DYNC2H1: variants seen among roughly 807,000 people sequenced by gnomAD.
DYNC2H1 encodes dynein cytoplasmic 2 heavy chain 1, also known as cytoplasmic dynein 2 heavy chain 1.
A neutral mutation model predicts 570.0 loss-of-function variants in DYNC2H1; 410 were observed. The observed-to-expected ratio is 0.72, with a 90% CI of 0.66 to 0.78. DYNC2H1 has a LOEUF of 0.78. Among genes scored for constraint, DYNC2H1 ranks in the 30% least tolerant of loss-of-function variants. The pLI, the probability that DYNC2H1 is intolerant of heterozygous loss-of-function variation, is 0.00. For missense variants in DYNC2H1, 4,865 were observed against 5,046.4 expected, an observed-to-expected ratio of 0.96 and a Z score of 1.09; for synonymous variants, 1,688 against 1,677.6, an observed-to-expected ratio of 1.01 and a Z score of -0.15.
At chr11:103,383,943 C>T (rs187891108) in intron 83 of DYNC2H1, among the ~76,000 whole-genome samples, 7,892 of 152,066 alleles carry the variant, frequency 0.052, 380 homozygotes, top group East Asian at 0.19. Context: ...TCATTCTTTA[C>T]TGTCTTGATT....
rs191708561 is a variant in DYNC2H1, at chr11:103,461,264, G to C, written c.12648+4908G>C. 6.7e-4 allele frequency among the ~76,000 whole-genome samples: 102 copies of C among 152,106 alleles called. 2 individuals carry two copies. Among genetic ancestry groups the C allele is most frequent in the African/African-American group, 2.4e-3 (98 of 41,496 alleles). On this transcript the variant is annotated intron_variant, in intron 87 of 88. Coordinates refer to ENST00000375735, the MANE Select transcript of DYNC2H1 (RefSeq NM_001377.3). This position sits in a 1 kb window ranked among gnomAD's most constrained non-coding sequence, Gnocchi z 4.8. ...GTTTCAATAGGAGAAATTTGGATTT[G>C]AATTATACTTGAATTTTACTATCAC...
In DYNC2H1 at chr11:103,170,612, A is replaced by G. The variant is rs940939843; in HGVS notation, c.5152-274A>G. 1.3e-5 allele frequency among the ~76,000 whole-genome samples: 2 copies of G among 152,206 alleles called. No individual in the cohort carries two copies. The highest frequency in any genetic ancestry group is 2.4e-5 in the African/African-American group (1 of 41,468). On this transcript the variant is annotated intron_variant, in intron 33 of 88. Coordinates refer to ENST00000375735, the MANE Select transcript of DYNC2H1 (RefSeq NM_001377.3). The surrounding 1 kb of genome is among the most constrained non-coding windows in gnomAD (Gnocchi z 4.8). ...GATGACAGTTTTAAAAACATTTTGT[A>G]TGTAATTTGTATTTTGACTTAAAGA...
intron 82 of DYNC2H1, among the ~76,000 whole-genome samples, chr11:103,327,835 A>C (rs1437916180): frequency 3.3e-5 from 5 of 152,236 alleles, no homozygotes; most frequent in African/African-American, 1.2e-4. Flanking sequence ...CCAATCTTCT[A>C]TTTCATGTTA....
Position 103,326,996 on chromosome 11 carries a change from T to C in DYNC2H1, c.12039+3006T>C, listed in dbSNP as rs1938529393. Among the ~76,000 whole-genome samples, 1 of 152,210 alleles carries C rather than the reference T, an allele frequency of 6.6e-6. No homozygotes were observed. The highest frequency in any genetic ancestry group is 1.5e-5 in the Non-Finnish European group (1 of 68,024). On this transcript the variant is annotated intron_variant, in intron 82 of 88. Coordinates refer to ENST00000375735, the MANE Select transcript of DYNC2H1 (RefSeq NM_001377.3). The surrounding 1 kb of genome is among the most constrained non-coding windows in gnomAD (Gnocchi z 6.1). ...CATCCATGGTGGATGCGGGGTCCGCTGAGCTAGGATTCCATAGGTCCAAGG... is the reference window on the plus strand; with the variant it reads ...CATCCATGGTGGATGCGGGGTCCGCCGAGCTAGGATTCCATAGGTCCAAGG...
chr11:103,211,915 A>G lies in DYNC2H1; in HGVS notation c.8666A>G (p.Glu2889Gly). 6.5e-7 allele frequency: 1 copy of G among 1,534,166 alleles called. No homozygotes were observed. The highest frequency in any genetic ancestry group is 8.8e-7 in the Non-Finnish European group (1 of 1,138,654). The change falls in exon 54 of 89, where the codon GAA becomes GGA. Residue 2889 changes from glutamate to glycine, a missense_variant. This residue lies in a region of DYNC2H1 where 2,401 missense variants were observed against 2,454.6 expected (regional missense o/e 0.98). Coordinates refer to ENST00000375735, the MANE Select transcript of DYNC2H1 (RefSeq NM_001377.3). ...GCCATTAGTAGTAGCAAGAAAAAGGAATTATTAAAAAGACAAAGTCATTTG... is the reference window on the plus strand; with the variant it reads ...GCCATTAGTAGTAGCAAGAAAAAGGGATTATTAAAAAGACAAAGTCATTTG... ...YSAISSSKKK[E>G]LLKRQSHLQA...
At position 103,395,552 on chromosome 11, in the gene DYNC2H1, C is replaced by T. The variant is rs534404035; in HGVS notation, c.12157-4111C>T. On this transcript the variant is annotated intron_variant, in intron 83 of 88. Coordinates refer to ENST00000375735, the MANE Select transcript of DYNC2H1 (RefSeq NM_001377.3). The surrounding 1 kb of genome is among the most constrained non-coding windows in gnomAD (Gnocchi z 4.3). Reference sequence around the variant, plus strand: ...TGGCACCATTTTTCATACAGCATCTCTTTATTATCACAGAATTATTGCAGC... The same window carrying T: ...TGGCACCATTTTTCATACAGCATCTTTTTATTATCACAGAATTATTGCAGC... 6.6e-6 allele frequency among the ~76,000 whole-genome samples: 1 copy of T among 152,014 alleles called. No homozygotes were observed. The highest frequency in any genetic ancestry group is 6.6e-5 in the Admixed American group (1 of 15,244).
chr11:103,152,287 T>C lies in DYNC2H1; in HGVS notation c.3096+2T>C. ...CACCAACTTATGATTAAAGACCAGG[T>C]TAGAATCTTTTAATTATTTATTAAA... is the stretch of plus-strand genomic sequence containing the variant. On this transcript the variant is annotated splice_donor_variant, in intron 21 of 88. Transcript: ENST00000375735. LOFTEE classifies it high-confidence loss of function. 1 of 1,575,618 alleles carries C rather than the reference T, an allele frequency of 6.3e-7. No individual in the cohort carries two copies. The highest frequency in any genetic ancestry group is 8.6e-7 in the Non-Finnish European group (1 of 1,168,460).
Position 103,176,406 on chromosome 11 carries a change from AG to A in DYNC2H1, c.5848del (p.Ala1950ProfsTer14). 6.4e-7 allele frequency: 1 copy of A among 1,563,312 alleles called. No homozygotes were observed. Among genetic ancestry groups the A allele is most frequent in the Non-Finnish European group, 8.6e-7 (1 of 1,159,302 alleles). On this transcript the variant is annotated frameshift_variant, in exon 37 of 89. Coordinates refer to ENST00000375735, the MANE Select transcript of DYNC2H1 (RefSeq NM_001377.3). LOFTEE classifies it high-confidence loss of function. ...GCTGCATTAAAGCAGGTCTTTGAAG[AG>A]GCCAATTATGAAATTATACCCAATC... ...LSAALKQVFE[E>X]ANYEIIPNQI... is the part of the protein sequence containing the mutation.
At chr11:103,415,472 A>G (rs1943248240) in intron 84 of DYNC2H1, among the ~76,000 whole-genome samples, 1 of 152,212 alleles carries the variant, frequency 6.6e-6, no homozygotes, top group Non-Finnish European at 1.5e-5. Context: ...TAAAAACCCC[A>G]TCAAAAAGTG....
intron 82 of DYNC2H1, among the ~76,000 whole-genome samples, chr11:103,336,502 C>A (rs1478707303): frequency 6.6e-6 from 1 of 151,966 alleles, no homozygotes; most frequent in African/African-American, 2.4e-5. Flanking sequence ...TTCTACTCTC[C>A]TACCTCCATG....
At chr11:103,171,179 C>A in intron 34 of DYNC2H1, 111 bp downstream of exon 34, 1 of 993,234 alleles carries the variant, frequency 1.0e-6, no homozygotes. Flanking sequence ...TGTTTCTAAT[C>A]TGTAACCTGT....
chr11:103,394,139 A>G (rs1217518790), intron 83 of DYNC2H1, among the ~76,000 whole-genome samples: 2 of 152,128 alleles, frequency 1.3e-5, no homozygotes, highest in South Asian at 4.1e-4. Flanking sequence ...TCTGATTTAA[A>G]CAATTTATTG....
chr11:103,229,482 C>T (rs1478335451), intron 59 of DYNC2H1, among the ~76,000 whole-genome samples: 2 of 152,056 alleles, frequency 1.3e-5, no homozygotes, highest in Admixed American at 1.3e-4. Context: ...TTCTTGTATA[C>T]TTTTTGCTTC....
chr11:103,333,426 GCTAA>G (rs1327952075), intron 82 of DYNC2H1, among the ~76,000 whole-genome samples: 1 of 152,094 alleles, frequency 6.6e-6, no homozygotes, highest in African/African-American at 2.4e-5. Context: ...ACTTCGCCAG[GCTAA>G]CTTTTTGTAT....
At chr11:103,445,164 G>A (rs1944383911) in intron 85 of DYNC2H1, among the ~76,000 whole-genome samples, 1 of 152,128 alleles carries the variant, frequency 6.6e-6, no homozygotes, top group Non-Finnish European at 1.5e-5. Flanking sequence ...ATATCTTGAT[G>A]GAATGTAATG....
rs1861880500 is a variant in DYNC2H1, at chr11:103,177,636, A to G, written c.5955A>G (p.Lys1985=). The G allele has an allele frequency of 1.2e-6, 2 of 1,613,452 alleles. No individual in the cohort carries two copies. Among genetic ancestry groups the G allele is most frequent in the East Asian group, 2.2e-5 (1 of 44,820 alleles). ...TTGTTGGTCCAAGTGGTGCTGGAAA[A>G]TCAACGCTTTGGAGAATGTTAAGGG... ...VVIVGPSGAG[K]STLWRMLRAA... is the part of the protein sequence containing the mutation. Residue 1985 remains lysine, a synonymous_variant, in exon 38 of 89, where the codon AAA becomes AAG. Coordinates refer to ENST00000375735, the MANE Select transcript of DYNC2H1 (RefSeq NM_001377.3). This position sits in a 1 kb window ranked among gnomAD's most constrained non-coding sequence, Gnocchi z 4.4.
intron 84 of DYNC2H1, among the ~76,000 whole-genome samples, chr11:103,426,136 A>G (rs1264159206): frequency 6.6e-6 from 1 of 152,220 alleles, no homozygotes; most frequent in Non-Finnish European, 1.5e-5. Context: ...TTCCTGCTGC[A>G]GATAACTAGT....
chr11:103,300,042 AC>A (rs1866983519), intron 75 of DYNC2H1, among the ~76,000 whole-genome samples: 1 of 152,064 alleles, frequency 6.6e-6, no homozygotes, highest in Non-Finnish European at 1.5e-5. Context: ...GTAATTTTAT[AC>A]ATCTGATACT....
rs2134945263 is a variant in DYNC2H1 at position 103,166,076 on chromosome 11, C to T, written c.4762+28C>T. The T allele has an allele frequency of 4.1e-6, 6 of 1,471,098 alleles. No individual in the cohort carries two copies. The East Asian group carries it at 1.3e-4, about 32-fold the overall frequency. The allele number at this position is 1,471,098 out of a possible 1,614,324, so 91.1% of individuals were successfully genotyped here. ...ATGGAAAAGACATTCCCTTTTCTGC[C>T]TGGTTTTGGGTTATTTTTTGGTATT... is the stretch of plus-strand genomic sequence containing the variant. On this transcript the variant is annotated intron_variant, in intron 31 of 88. Transcript: ENST00000375735.
Sources: allele counts gnomAD v4.1 joint callset (sites outside exome capture counted in the v4.1 genomes callset), GRCh38; gene constraint gnomAD v4.1.1; regional missense constraint gnomAD v4.1.1; non-coding constraint Gnocchi (gnomAD v3.1); transcripts MANE v1.5; gene names NCBI Gene and HGNC (gene_info 2026-07-23, HGNC 2026-07-21).